The following UNC5D variants were observed in gnomAD, a reference collection of about 807,000 sequenced individuals.
UNC5D encodes unc-5 netrin receptor D, also known as netrin receptor UNC5D.
UNC5D carries 39 observed loss-of-function variants against 105.4 expected under a neutral mutation model. The ratio of observed to expected loss-of-function variants is 0.37; its 90% CI spans 0.29 to 0.48. The LOEUF (loss-of-function observed/expected upper bound fraction) is 0.48, where lower values mean the gene tolerates loss of function less well. Among genes scored for constraint, UNC5D ranks in the 20% least tolerant of loss-of-function variants. The probability of loss-of-function intolerance (pLI) is 0.98; values close to 1 mark genes in which losing one functional copy is unlikely to be tolerated. For synonymous variants in UNC5D, 452 were observed against 450.4 expected, an observed-to-expected ratio of 1.00 and a Z score of -0.04; for missense variants, 991 against 1,202.4, an observed-to-expected ratio of 0.82 and a Z score of 2.60.
intron 11 of UNC5D, among the ~76,000 whole-genome samples, chr8:35,742,419 T>C (rs1444382606): frequency 6.6e-6 from 1 of 152,222 alleles, no homozygotes; most frequent in Non-Finnish European, 1.5e-5. Flanking sequence ...ACAGCTTCCA[T>C]CTATCAGCCT....
chr8:35,560,708 C>CTAATCTAGAGAGATAATATACCT (rs1563536211), intron 2 of UNC5D, among the ~76,000 whole-genome samples: 1 of 151,898 alleles, frequency 6.6e-6, no homozygotes, highest in Non-Finnish European at 1.5e-5. Flanking sequence ...GATAATATAC[C>CTAATCTAGAGAGATAATATACCT]TTTTGTGGGA....
intron 4 of UNC5D, among the ~76,000 whole-genome samples, chr8:35,645,919 A>G (rs1823018196): frequency 7.3e-6 from 1 of 137,570 alleles, no homozygotes; most frequent in South Asian, 2.1e-4. Context: ...CCTTTAGATT[A>G]CACACACACA....
At chr8:35,248,887 T>A (rs1241474315) in intron 1 of UNC5D, among the ~76,000 whole-genome samples, 12 of 90,066 alleles carry the variant, frequency 1.3e-4, no homozygotes, top group South Asian at 6.4e-4. Flanking sequence ...TATAATATAT[T>A]ATATAAATAT....
chr8:35,554,838 A>T lies in UNC5D; in HGVS notation c.322+5328A>T, dbSNP rs1226664426. Among the ~76,000 whole-genome samples, 6 of 152,272 alleles carry T rather than the reference A, an allele frequency of 3.9e-5. No homozygotes were observed. In the East Asian group the frequency reaches 1.2e-3, roughly 29 times the overall value. ...AGAAAGTCTCAACTCTAGTAAACTA[A>T]TATTTTTCTTTTTAAAGAATTTCAT... On this transcript the variant is annotated intron_variant, in intron 2 of 16. Coordinates refer to ENST00000404895, the MANE Select transcript of UNC5D (RefSeq NM_080872.4).
chr8:35,447,093 C>G (rs927323160), intron 1 of UNC5D, among the ~76,000 whole-genome samples: 1 of 151,998 alleles, frequency 6.6e-6, no homozygotes, highest in Non-Finnish European at 1.5e-5. Flanking sequence ...TATGGTTTTA[C>G]GTGTTCTCCC....
intron 4 of UNC5D, among the ~76,000 whole-genome samples, chr8:35,650,147 A>C (rs1448919987): frequency 6.6e-6 from 1 of 152,172 alleles, no homozygotes. Flanking sequence ...AAAACAAAAA[A>C]CAAAACACCC....
At chr8:35,461,768 T>C (rs533367241) in intron 1 of UNC5D, among the ~76,000 whole-genome samples, 1 of 152,294 alleles carries the variant, frequency 6.6e-6, no homozygotes, top group African/African-American at 2.4e-5. Context: ...AGAGGGCAGA[T>C]AACAGTGCTT....
chr8:35,721,309 G>T, intron 8 of UNC5D: 1 of 646,302 alleles, frequency 1.5e-6, no homozygotes, highest in African/African-American at 1.8e-5. Context: ...AGCCATCATG[G>T]ATCTGCTACA....
At chr8:35,675,812 T>C (rs182322649) in intron 4 of UNC5D, among the ~76,000 whole-genome samples, 4 of 152,132 alleles carry the variant, frequency 2.6e-5, no homozygotes, top group East Asian at 3.9e-4. Context: ...ACTCTCCTTT[T>C]CATTCTTTTA....
chr8:35,279,425 C>T (rs1217084226), intron 1 of UNC5D, among the ~76,000 whole-genome samples: 1 of 152,110 alleles, frequency 6.6e-6, no homozygotes, highest in African/African-American at 2.4e-5. Flanking sequence ...TTACAATATC[C>T]AGAGAATGTA....
intron 1 of UNC5D, among the ~76,000 whole-genome samples, chr8:35,540,350 G>T (rs1740380452): frequency 6.6e-6 from 1 of 150,794 alleles, no homozygotes; most frequent in Non-Finnish European, 1.5e-5. Context: ...TCCCTGATAC[G>T]TGGATTTTAA....
chr8:35,406,497 C>T (rs1241268521), intron 1 of UNC5D, among the ~76,000 whole-genome samples: 3 of 152,114 alleles, frequency 2.0e-5, no homozygotes, highest in Non-Finnish European at 2.9e-5. Context: ...TAATCTCAGT[C>T]ATATTGGGCT....
intron 4 of UNC5D, among the ~76,000 whole-genome samples, chr8:35,674,899 A>G (rs963095139): frequency 6.6e-6 from 1 of 152,148 alleles, no homozygotes; most frequent in Non-Finnish European, 1.5e-5. Flanking sequence ...AAAAGCTTTC[A>G]GTTTATGCAG....
intron 1 of UNC5D, among the ~76,000 whole-genome samples, chr8:35,535,292 C>A (rs546110068): frequency 1.3e-5 from 2 of 152,026 alleles, no homozygotes; most frequent in Non-Finnish European, 2.9e-5. Context: ...TGCAATTAAA[C>A]TTACTCTATT....
In UNC5D at chr8:35,728,377, T is replaced by C. The variant is rs868180090; in HGVS notation, c.1681+1848T>C. ...TTGTCGTTCATCAAAGAAAGCGAGA[T>C]GAAATCATGATGAACCAGAGATTTA... is the stretch of plus-strand genomic sequence containing the variant. On this transcript the variant is annotated intron_variant, in intron 10 of 16. Coordinates refer to ENST00000404895, the MANE Select transcript of UNC5D (RefSeq NM_080872.4). Among the ~76,000 whole-genome samples, 5 of 152,080 alleles carry C rather than the reference T, an allele frequency of 3.3e-5. No homozygotes were observed. In the East Asian group the frequency reaches 7.7e-4, roughly 24 times the overall value.
chr8:35,721,852 G>A (rs970054467), intron 8 of UNC5D, among the ~76,000 whole-genome samples: 4 of 152,150 alleles, frequency 2.6e-5, no homozygotes, highest in African/African-American at 9.7e-5. Context: ...CCTCGCTCTG[G>A]TAAAAGTGTA....
At chr8:35,402,600 G>T (rs966554595) in intron 1 of UNC5D, among the ~76,000 whole-genome samples, 3 of 152,074 alleles carry the variant, frequency 2.0e-5, no homozygotes, top group African/African-American at 7.2e-5. Context: ...ATGTTCTCAT[G>T]ACACACTGGG....
intron 1 of UNC5D, among the ~76,000 whole-genome samples, chr8:35,285,478 G>A (rs959735214): frequency 8.5e-5 from 13 of 152,316 alleles, no homozygotes; most frequent in African/African-American, 1.7e-4. Flanking sequence ...TGTGAATAAC[G>A]TTAAATTTTC....
At position 35,459,076 on chromosome 8, in the gene UNC5D, T is replaced by C. The variant is rs532193029; in HGVS notation, c.104-90216T>C. Among the ~76,000 whole-genome samples the C allele has an allele frequency of 1.2e-3, 181 of 152,270 alleles. 2 individuals are homozygous for C. Among genetic ancestry groups the C allele is most frequent in the African/African-American group, 4.1e-3 (170 of 41,564 alleles). ...ACATTTCAGAATGTCCATGAGCTGG[T>C]TGGTTATCTCCATTGAAGTCATTGA... is the stretch of plus-strand genomic sequence containing the variant. On this transcript the variant is annotated intron_variant, in intron 1 of 16. Transcript: ENST00000404895.
Sources: gnomAD v4.1 joint callset for allele counts (sites outside exome capture counted in the v4.1 genomes callset) on GRCh38, gnomAD v4.1.1 for gene constraint, MANE v1.5 for transcripts, NCBI Gene and HGNC (gene_info 2026-07-23, HGNC 2026-07-21) for gene names.